ABCB1: variants seen among roughly 807,000 people sequenced by gnomAD.
The protein encoded by ABCB1 is ATP binding cassette subfamily B member 1, also known as ATP-dependent translocase ABCB1.
ABCB1 carries 69 observed loss-of-function variants against 142.0 expected under a neutral mutation model. The ratio of observed to expected loss-of-function variants is 0.49; its 90% confidence interval spans 0.40 to 0.59. The LOEUF is 0.59. ABCB1 is among the 20% of genes least tolerant of loss of function. The pLI is 0.00. For synonymous variants in ABCB1, 532 were observed against 539.2 expected, an observed-to-expected ratio of 0.99 and a Z score of 0.18; for missense variants, 1,326 against 1,554.7, an observed-to-expected ratio of 0.85 and a Z score of 2.47.
Position 87,521,440 on chromosome 7 carries a change from GTC to G in ABCB1, c.2686-566_2686-565del, listed in dbSNP as rs1815503421. On this transcript the variant is annotated intron_variant, in intron 21 of 27. Transcript: ENST00000622132. The stretch of plus-strand genomic sequence containing the variant: ...ACGCCACCAAGGAAGCATCCTTAAA[GTC>G]TCTCTTTCCCCTGCCGTCATGTCTA... The G allele has an allele frequency of 7.2e-6, 5 of 694,428 alleles. No individual in the cohort carries two copies. The South Asian group carries it at 8.1e-5, about 11-fold the overall frequency. 43.0% of individuals were successfully genotyped at this position (694,428 alleles called of 1,614,324 possible). A position where few individuals can be genotyped will look rare whatever the true frequency, so the allele number is the denominator to read the frequency against.
At chr7:87,712,351 T>G (rs1196939546) in intron 1 of ABCB1, among the ~76,000 whole-genome samples, 6 of 152,128 alleles carry the variant, frequency 3.9e-5, no homozygotes, top group Non-Finnish European at 8.8e-5. Flanking sequence ...CTAAGTTTCA[T>G]TATGAAACTT....
At position 87,599,039 on chromosome 7, in the gene ABCB1, T is replaced by C. The variant is rs570463347; in HGVS notation, c.68+1078A>G. The stretch of plus-strand genomic sequence containing the variant: ...ACTATTAAAAGATTATGAATTCATA[T>C]TGAAATTTCTAATTCAAACTTAACA... On this transcript the variant is annotated intron_variant, in intron 2 of 27. Transcript: ENST00000622132. Among the ~76,000 whole-genome samples, 5 of 152,334 alleles carry C rather than the reference T, an allele frequency of 3.3e-5. No individual in the cohort carries two copies. In the East Asian group the frequency reaches 5.8e-4, roughly 18 times the overall value.
intron 6 of ABCB1, 130 bp from the exon 7 acceptor site, chr7:87,566,371 A>T: frequency 1.1e-6 from 1 of 940,720 alleles, no homozygotes; most frequent in Non-Finnish European, 1.7e-6. Flanking sequence ...TTTATTTAGC[A>T]GGGTAGAAGT....
intron 1 of ABCB1, among the ~76,000 whole-genome samples, chr7:87,625,982 ATATATGTACATATATATG>A (rs1215638287): frequency 8.2e-5 from 12 of 146,886 alleles, no homozygotes; most frequent in Admixed American, 1.4e-4. Context: ...ATATATATAT[ATATATGTACATATATATG>A]TATATGTACA....
chr7:87,588,155 TG>T (rs1382179498), intron 3 of ABCB1, among the ~76,000 whole-genome samples: 1 of 118,496 alleles, frequency 8.4e-6, no homozygotes, highest in Non-Finnish European at 2.0e-5. Flanking sequence ...TATTTCCTTT[TG>T]TTTTTTTTTT....
chr7:87,596,664 G>C (rs1214315947), intron 2 of ABCB1, among the ~76,000 whole-genome samples: 1 of 152,048 alleles, frequency 6.6e-6, no homozygotes, highest in African/African-American at 2.4e-5. Context: ...TTTTTACACG[G>C]TTTTTAAGTT....
At chr7:87,525,274 G>T (rs982454899) in intron 21 of ABCB1, among the ~76,000 whole-genome samples, 8 of 152,190 alleles carry the variant, frequency 5.3e-5, no homozygotes, top group Middle Eastern at 3.4e-3. Context: ...AAATAAAAAT[G>T]TATGTTTCTA....
intron 2 of ABCB1, among the ~76,000 whole-genome samples, chr7:87,596,759 G>A (rs1266831358): frequency 6.6e-6 from 1 of 152,032 alleles, no homozygotes; most frequent in African/African-American, 2.4e-5. Flanking sequence ...AAAAAATCCA[G>A]AGTTTACCCA....
chr7:87,650,687 A>C lies in ABCB1; in HGVS notation c.-330-49609T>G, dbSNP rs760279334. Reference sequence around the variant, plus strand: ...TCCATTTACAGAGTAAATTTGAATAAATGGGGTTTTTCAGATGTTATACTC... The same window carrying C: ...TCCATTTACAGAGTAAATTTGAATACATGGGGTTTTTCAGATGTTATACTC... On this transcript the variant is annotated intron_variant, in intron 1 of 28. Coordinates refer to the ABCB1 transcript ENST00000265724. 18 of 624,566 alleles carry C rather than the reference A, an allele frequency of 2.9e-5. 1 individual carries two copies. The Middle Eastern group carries it at 3.4e-3, about 119-fold the overall frequency. 38.7% of individuals were successfully genotyped at this position (624,566 alleles called of 1,614,324 possible). A position where few individuals can be genotyped will look rare whatever the true frequency, so the allele number is the denominator to read the frequency against.
chr7:87,679,423 C>T (rs1311561386), intron 1 of ABCB1, among the ~76,000 whole-genome samples: 2 of 149,684 alleles, frequency 1.3e-5, no homozygotes, highest in African/African-American at 5.0e-5. Flanking sequence ...GGATCTCACC[C>T]TGTCACCCAG....
At chr7:87,640,636 C>T (rs762576024) in intron 1 of ABCB1, among the ~76,000 whole-genome samples, 1 of 152,168 alleles carries the variant, frequency 6.6e-6, no homozygotes, top group Non-Finnish European at 1.5e-5. Context: ...TGAGCCACCA[C>T]GTGTGTCTCC....
At position 87,597,374 on chromosome 7, in the gene ABCB1, A is replaced by G. The variant is rs17327942; in HGVS notation, c.69-1560T>C. On this transcript the variant is annotated intron_variant, in intron 2 of 27. Transcript: ENST00000622132. ...TAGGACTATTATCCCAGCATTATCT[A>G]TTACCAAAGCCATATGCTTCTTTAC... is the stretch of plus-strand genomic sequence containing the variant. Among the ~76,000 whole-genome samples, 1,486 of 152,190 alleles carry G rather than the reference A, an allele frequency of 9.8e-3. 9 individuals are homozygous for G. The highest frequency in any genetic ancestry group is 0.013 in the Non-Finnish European group (866 of 67,946).
chr7:87,504,539 T>C lies in ABCB1; in HGVS notation c.3637-90A>G, dbSNP rs1814636605. On this transcript the variant is annotated intron_variant, in intron 27 of 27. Transcript: ENST00000622132. ...AAGCTCCACAGTAGGACGGGCATGG[T>C]GGCTCACGCCTGTAATCCCAGCACT... The C allele has an allele frequency of 1.8e-5, 28 of 1,534,414 alleles. No individual in the cohort carries two copies. In the South Asian group the frequency reaches 2.7e-4, roughly 15 times the overall value.
intron 3 of ABCB1, among the ~76,000 whole-genome samples, chr7:87,592,857 T>G (rs1819050374): frequency 6.6e-6 from 1 of 151,548 alleles, no homozygotes; most frequent in South Asian, 2.1e-4. Context: ...AATTAATGTT[T>G]CCCTAAGACA....
chr7:87,609,943 T>C (rs1243289180), intron 1 of ABCB1, among the ~76,000 whole-genome samples: 1 of 152,210 alleles, frequency 6.6e-6, no homozygotes, highest in Non-Finnish European at 1.5e-5. Flanking sequence ...CCTAAAACTA[T>C]ATTAACACTT....
At chr7:87,520,987 T>A in intron 21 of ABCB1, 111 bp from the exon 22 acceptor site, 5 of 817,968 alleles carry the variant, frequency 6.1e-6, no homozygotes, top group Non-Finnish European at 8.2e-6. Context: ...ATATTTATTA[T>A]TATGTATGAG....
At chr7:87,701,765 A>G (rs1829057661) in intron 1 of ABCB1, among the ~76,000 whole-genome samples, 1 of 152,174 alleles carries the variant, frequency 6.6e-6, no homozygotes, top group African/African-American at 2.4e-5. Flanking sequence ...ACTTCAACCA[A>G]AACAACACAT....
At position 87,519,400 on chromosome 7, in the gene ABCB1, A is replaced by G; in HGVS notation, c.2853T>C (p.Phe951=). The part of the protein sequence containing the change: ...TFSFTQAMMY[F]SYAGCFRFGA... Reference sequence around the variant, plus strand: ...CAAACCGGAAACATCCAGCATAGGAAAAATACATCATTGCCTGGGTGAAGG... The same window carrying G: ...CAAACCGGAAACATCCAGCATAGGAGAAATACATCATTGCCTGGGTGAAGG... Residue 951 remains phenylalanine, a synonymous_variant, in exon 23 of 28, where the codon TTT becomes TTC. Transcript: ENST00000622132. The G allele has an allele frequency of 1.2e-6, 2 of 1,614,204 alleles. No homozygotes were observed. The highest frequency in any genetic ancestry group is 2.2e-5 in the East Asian group (1 of 44,872).
chr7:87,575,577 C>G (rs1283231506), intron 4 of ABCB1, among the ~76,000 whole-genome samples: 1 of 152,038 alleles, frequency 6.6e-6, no homozygotes, highest in Non-Finnish European at 1.5e-5. Context: ...TCTAATAAAC[C>G]AATAAACTAC....
Sources: gnomAD v4.1 joint callset for allele counts (sites outside exome capture counted in the v4.1 genomes callset) on GRCh38, gnomAD v4.1.1 for gene constraint, MANE v1.5 for transcripts, NCBI Gene and HGNC (gene_info 2026-07-23, HGNC 2026-07-21) for gene names.